The following P4HA1 variants were observed in gnomAD, a reference collection of about 807,000 sequenced individuals.
The protein encoded by P4HA1 is prolyl 4-hydroxylase subunit alpha 1.
P4HA1 carries 24 observed loss-of-function variants against 72.8 expected under a neutral mutation model. That is an observed-to-expected ratio of 0.33 (90% CI 0.24 to 0.46). The LOEUF is 0.46. Ranked by LOEUF, P4HA1 falls within the 20% of genes least tolerant of loss-of-function variation. P4HA1 has a pLI of 1.00. For synonymous variants in P4HA1, 201 were observed against 218.8 expected (o/e 0.92, Z 0.72); for missense variants, 446 against 640.6 (o/e 0.70, Z 3.28).
chr10:73,069,068 C>A (rs1240409206), intron 4 of P4HA1, 85 bp from the exon 5 acceptor site: 11 of 1,044,282 alleles, frequency 1.1e-5, no homozygotes, highest in Non-Finnish European at 1.6e-5. Flanking sequence ...TGTTCAAAAT[C>A]TATTTTATTA....
chr10:73,088,050 C>A (rs2133163497), intron 1 of P4HA1, among the ~76,000 whole-genome samples: 1 of 152,212 alleles, frequency 6.6e-6, no homozygotes, highest in East Asian at 1.9e-4. Context: ...GTACATTTTA[C>A]TTCACAATCT....
intron 5 of P4HA1, among the ~76,000 whole-genome samples, chr10:73,063,913 G>C (rs1239012101): frequency 6.6e-6 from 1 of 152,092 alleles, no homozygotes; most frequent in Non-Finnish European, 1.5e-5. Flanking sequence ...TTCCAAAGTA[G>C]AGAACATGAG....
At chr10:73,009,567 AT>A in intron 14 of P4HA1, 1 of 425,820 alleles carries the variant, frequency 2.3e-6, no homozygotes, top group Non-Finnish European at 4.3e-6. Flanking sequence ...ATATTGTCTT[AT>A]TCAATTTTGA....
intron 1 of P4HA1, among the ~76,000 whole-genome samples, chr10:73,091,907 T>C (rs1266162552): frequency 6.6e-6 from 1 of 152,230 alleles, no homozygotes; most frequent in Non-Finnish European, 1.5e-5. Context: ...CAGAGTAGAA[T>C]ACTCAAAAGC....
chr10:73,083,683 C>T (rs576106937), intron 1 of P4HA1, among the ~76,000 whole-genome samples: 15 of 152,208 alleles, frequency 9.9e-5, no homozygotes, highest in African/African-American at 3.6e-4. Context: ...TTAATTCATC[C>T]CCATACAGCA....
At chr10:73,073,169 C>CAA (rs753465901) in intron 3 of P4HA1, among the ~76,000 whole-genome samples, 2,331 of 61,758 alleles carry the variant, frequency 0.038, 110 homozygotes, top group African/African-American at 0.11. Flanking sequence ...GACTCTGTCA[C>CAA]AAAAAAAAAA....
intron 9 of P4HA1, among the ~76,000 whole-genome samples, chr10:73,041,860 G>T (rs1840744362): frequency 1.3e-5 from 2 of 150,560 alleles, no homozygotes; most frequent in African/African-American, 2.4e-5. Context: ...TTTGAGACAG[G>T]ATCTTACTCT....
rs1416415972 is a variant in P4HA1, at chr10:73,010,964, C to T, written c.1437+5G>A. On this transcript the variant is annotated splice_donor_5th_base_variant and intron_variant, in intron 13 of 14. Coordinates refer to ENST00000394890, the MANE Select transcript of P4HA1 (RefSeq NM_001017962.3). ...ATAAACCAAAAACAAAACAAACAGGCTTACTTTTTTGGGCCAAACACTAGC... is the reference window on the plus strand; with the variant it reads ...ATAAACCAAAAACAAAACAAACAGGTTTACTTTTTTGGGCCAAACACTAGC... 6.2e-7 allele frequency: 1 copy of T among 1,610,766 alleles called. No homozygotes were observed. Among genetic ancestry groups the T allele is most frequent in the Non-Finnish European group, 8.5e-7 (1 of 1,177,380 alleles).
intron 1 of P4HA1, among the ~76,000 whole-genome samples, chr10:73,093,864 A>T (rs1289149114): frequency 1.6e-4 from 12 of 75,336 alleles, no homozygotes; most frequent in African/African-American, 7.2e-4. Context: ...AAAAAAAAAA[A>T]AAAAAAAAAA....
At chr10:73,057,200 C>A (rs1841171354) in intron 5 of P4HA1, among the ~76,000 whole-genome samples, 1 of 150,910 alleles carries the variant, frequency 6.6e-6, no homozygotes, top group Non-Finnish European at 1.5e-5. Context: ...AGTTAAAACA[C>A]AAAGACAAGG....
chr10:73,067,716 C>T (rs750868791), intron 5 of P4HA1, among the ~76,000 whole-genome samples: 6 of 152,108 alleles, frequency 3.9e-5, no homozygotes, highest in East Asian at 1.9e-4. Context: ...AATTCCTGGT[C>T]CATTAGATCT....
intron 1 of P4HA1, among the ~76,000 whole-genome samples, chr10:73,090,846 C>T (rs7077346): frequency 2.0e-5 from 3 of 151,544 alleles, no homozygotes; most frequent in Non-Finnish European, 2.9e-5. Flanking sequence ...GGATCACCCC[C>T]GGTCAGGAGT....
intron 4 of P4HA1, among the ~76,000 whole-genome samples, 153 bp from the exon 5 acceptor site, chr10:73,069,136 G>A (rs559312781): frequency 1.3e-5 from 2 of 152,254 alleles, no homozygotes; most frequent in South Asian, 2.1e-4. Flanking sequence ...TAAATACACT[G>A]AATAAGACTT....
intron 10 of P4HA1, among the ~76,000 whole-genome samples, chr10:73,022,724 C>A (rs61865783): frequency 2.0e-5 from 3 of 152,058 alleles, no homozygotes. Context: ...TCTAAGCCAT[C>A]GCAAGGAAGC....
chr10:73,068,939 C>T lies in P4HA1; in HGVS notation c.370G>A (p.Asp124Asn). 6.2e-7 allele frequency: 1 copy of T among 1,612,262 alleles called. No homozygotes were observed. Among genetic ancestry groups the T allele is most frequent in the Non-Finnish European group, 8.5e-7 (1 of 1,178,678 alleles). Residue 124 changes from aspartate (D) to asparagine (N), a missense_variant, in exon 5 of 15, where the codon GAT (aspartate) becomes AAT (asparagine). Physicochemically the swap from Asp to Asn is conservative, Grantham distance 23 (BLOSUM62 1). Coordinates refer to ENST00000394890, the MANE Select transcript of P4HA1 (RefSeq NM_001017962.3). The part of the protein sequence containing the change: ...LTIQRQYFPN[D>N]EDQVGAAKAL... ...TTGGCTGCCCCAACCTGATCTTCATCATTAGGAAAGTACTGTCTCTGAATG... is the reference window on the plus strand; with the variant it reads ...TTGGCTGCCCCAACCTGATCTTCATTATTAGGAAAGTACTGTCTCTGAATG...
rs142127668 is a variant in P4HA1, at chr10:73,053,034, A to T, written c.703+317T>A. Among the ~76,000 whole-genome samples the T allele has an allele frequency of 3.9e-4, 59 of 152,302 alleles. No homozygotes were observed. In the East Asian group the frequency reaches 0.011, roughly 28 times the overall value. ...AATATGAAATGCAATAAAACATAACACCCTTCAAAGGAAACTGATTAAAAT... is the reference window on the plus strand; with the variant it reads ...AATATGAAATGCAATAAAACATAACTCCCTTCAAAGGAAACTGATTAAAAT... On this transcript the variant is annotated intron_variant, in intron 6 of 14. Coordinates refer to ENST00000394890, the MANE Select transcript of P4HA1 (RefSeq NM_001017962.3).
intron 10 of P4HA1, among the ~76,000 whole-genome samples, chr10:73,021,950 C>A (rs905529567): frequency 6.6e-6 from 1 of 152,200 alleles, no homozygotes; most frequent in Non-Finnish European, 1.5e-5. Context: ...GGGTGTCCAC[C>A]ATTGCTGAGG....
chr10:73,029,572 A>G (rs1472799688), intron 10 of P4HA1, among the ~76,000 whole-genome samples: 1 of 151,992 alleles, frequency 6.6e-6, no homozygotes, highest in Non-Finnish European at 1.5e-5. Context: ...AAGACTAAGG[A>G]ATAGTAAATA....
In P4HA1 at chr10:73,080,290, T is replaced by C. The variant is rs550605746; in HGVS notation, c.-32-5375A>G. ...TAGATAATAAAAATGAAGATAGACC[T>C]ATATGGCAGTGCTTCTCAAACTTTA... is the stretch of plus-strand genomic sequence containing the variant. On this transcript the variant is annotated intron_variant, in intron 1 of 14. Coordinates refer to ENST00000394890, the MANE Select transcript of P4HA1 (RefSeq NM_001017962.3). Among the ~76,000 whole-genome samples the C allele has an allele frequency of 9.2e-5, 14 of 152,292 alleles. No individual in the cohort carries two copies. In the East Asian group the frequency reaches 2.7e-3, roughly 29 times the overall value.
Sources: gnomAD v4.1 joint callset for allele counts (sites outside exome capture counted in the v4.1 genomes callset) on GRCh38, gnomAD v4.1.1 for gene constraint, MANE v1.5 for transcripts, NCBI Gene and HGNC (gene_info 2026-07-23, HGNC 2026-07-21) for gene names.